Variants in ARHGAP22 observed in about 807,000 individuals in gnomAD.
The protein encoded by ARHGAP22 is Rho GTPase activating protein 22.
In ARHGAP22, 48 loss-of-function variants were observed where a neutral mutation model predicts 59.1. That is an observed-to-expected ratio of 0.81 (90% CI 0.64 to 1.03). The LOEUF (loss-of-function observed/expected upper bound fraction) is 1.03, where lower values mean the gene tolerates loss of function less well. Ranked by LOEUF, ARHGAP22 falls within the 50% of genes least tolerant of loss-of-function variation. The pLI is 0.00. For missense variants in ARHGAP22, 1,015 were observed against 958.7 expected (o/e 1.06, Z -0.78); for synonymous variants, 445 against 416.4 (o/e 1.07, Z -0.84).
intron 2 of ARHGAP22, among the ~76,000 whole-genome samples, chr10:48,568,658 T>C (rs1325390861): frequency 6.6e-6 from 1 of 152,236 alleles, no homozygotes; most frequent in Non-Finnish European, 1.5e-5. Flanking sequence ...TGCTGCACCA[T>C]TGTGATGCTC....
chr10:48,495,967 G>C (rs1474422405), intron 3 of ARHGAP22, among the ~76,000 whole-genome samples: 1 of 152,104 alleles, frequency 6.6e-6, no homozygotes, highest in Non-Finnish European at 1.5e-5. Flanking sequence ...AAATAGCCGT[G>C]TGATTCAGCT....
At chr10:48,485,168 C>T (rs2049727347) in intron 3 of ARHGAP22, among the ~76,000 whole-genome samples, 1 of 152,184 alleles carries the variant, frequency 6.6e-6, no homozygotes, top group Non-Finnish European at 1.5e-5. Context: ...TTGATTTCCA[C>T]TCTGATCTTT....
intron 3 of ARHGAP22, among the ~76,000 whole-genome samples, chr10:48,515,091 T>C (rs2053161879): frequency 6.6e-6 from 1 of 152,136 alleles, no homozygotes; most frequent in African/African-American, 2.4e-5. Flanking sequence ...ATCTGTATTA[T>C]CAGTAATTAC....
chr10:48,449,524 G>T (rs1309731464), intron 9 of ARHGAP22, among the ~76,000 whole-genome samples: 3 of 152,208 alleles, frequency 2.0e-5, no homozygotes, highest in African/African-American at 7.2e-5. Context: ...ATGGATAAAG[G>T]AATTCCCTGC....
intron 4 of ARHGAP22, among the ~76,000 whole-genome samples, chr10:48,472,710 G>C (rs11101337): frequency 0.97 from 146,963 of 152,198 alleles, 71,105 homozygotes; most frequent in East Asian, 1. Context: ...AAGCTATGGC[G>C]TCAGTCTAGC....
rs145879634 is a variant in ARHGAP22, at chr10:48,596,328, C to T, written c.34+8435G>A. Among the ~76,000 whole-genome samples the T allele has an allele frequency of 2.9e-3, 436 of 152,356 alleles. 1 individual carries two copies. The highest frequency in any genetic ancestry group is 6.8e-3 in the Middle Eastern group (2 of 294). On this transcript the variant is annotated intron_variant, in intron 1 of 9. Transcript: ENST00000249601. ...TGGAGACGCAAGACACACACCTGCC[C>T]TGGCAGAGCTAACGGGGGACAGATG... is the stretch of plus-strand genomic sequence containing the variant.
chr10:48,517,173 G>A (rs2053366838), intron 3 of ARHGAP22, among the ~76,000 whole-genome samples: 1 of 152,118 alleles, frequency 6.6e-6, no homozygotes, highest in African/African-American at 2.4e-5. Context: ...GGTGATAGTT[G>A]CATAACTCTG....
At chr10:48,566,628 G>A (rs1351888160) in intron 2 of ARHGAP22, among the ~76,000 whole-genome samples, 2 of 152,188 alleles carry the variant, frequency 1.3e-5, no homozygotes, top group African/African-American at 4.8e-5. Flanking sequence ...AACTCCAAAT[G>A]CTCTTGTTAT....
At chr10:48,460,381 C>G (rs1322600542) in intron 4 of ARHGAP22, among the ~76,000 whole-genome samples, 2 of 152,202 alleles carry the variant, frequency 1.3e-5, no homozygotes, top group African/African-American at 2.4e-5. Context: ...ATAGTCGTGA[C>G]TCAGCATCAA....
At chr10:48,460,255 G>A (rs1344294372) in intron 4 of ARHGAP22, among the ~76,000 whole-genome samples, 2 of 152,182 alleles carry the variant, frequency 1.3e-5, no homozygotes, top group Non-Finnish European at 2.9e-5. Context: ...GCCATCCAGT[G>A]CCCATCAACA....
upstream of ARHGAP22, among the ~76,000 whole-genome samples, chr10:48,607,634 A>G (rs2060727328): frequency 6.6e-6 from 1 of 152,144 alleles, no homozygotes; most frequent in Admixed American, 6.5e-5. Flanking sequence ...TTTTATTTGA[A>G]GAACCAGCCC....
chr10:48,557,964 A>G (rs535203691), intron 2 of ARHGAP22, among the ~76,000 whole-genome samples: 22 of 152,362 alleles, frequency 1.4e-4, no homozygotes, highest in Non-Finnish European at 2.6e-4. Context: ...CACTCAGGGT[A>G]GGTCTCAACT....
chr10:48,506,831 T>C (rs1265149656), intron 3 of ARHGAP22, among the ~76,000 whole-genome samples: 1 of 152,148 alleles, frequency 6.6e-6, no homozygotes, highest in East Asian at 1.9e-4. Flanking sequence ...GTAGACAACC[T>C]TCAGGAAGGT....
chr10:48,431,730 T>TTTC, the ARHGAP22 span, among the ~76,000 whole-genome samples: 6 of 152,206 alleles, frequency 3.9e-5, no homozygotes, highest in African/African-American at 1.2e-4. Context: ...GAAAGTATTC[T>TTTC]TTCTCTAAGA....
the ARHGAP22 span, chr10:48,430,737 C>G: frequency 6.3e-6 from 1 of 158,292 alleles, no homozygotes; most frequent in East Asian, 1.9e-4. Flanking sequence ...TTTGCACACT[C>G]TAATTTAAAT....
At chr10:48,524,503 C>G (rs1356444388) in intron 3 of ARHGAP22, among the ~76,000 whole-genome samples, 1 of 152,076 alleles carries the variant, frequency 6.6e-6, no homozygotes, top group Non-Finnish European at 1.5e-5. Context: ...CTCCGCCTCC[C>G]TGGGAGCCAA....
chr10:48,449,723 G>A (rs958059385), intron 9 of ARHGAP22, among the ~76,000 whole-genome samples: 1 of 152,238 alleles, frequency 6.6e-6, no homozygotes, highest in African/African-American at 2.4e-5. Context: ...CTCTGTTAGT[G>A]AGATTGTAAG....
chr10:48,614,871 C>T (rs1260577679), intron 1 of ARHGAP22, among the ~76,000 whole-genome samples: 1 of 152,192 alleles, frequency 6.6e-6, no homozygotes, highest in Non-Finnish European at 1.5e-5. Flanking sequence ...TTGGTAGTTA[C>T]CCAAAAGCTG....
chr10:48,454,770 T>C (rs1216982893), intron 6 of ARHGAP22, among the ~76,000 whole-genome samples: 1 of 150,896 alleles, frequency 6.6e-6, no homozygotes, highest in Non-Finnish European at 1.5e-5. Context: ...CGCAGACAGG[T>C]ATGGCTCCAG....
Sources: gnomAD v4.1 joint callset for allele counts (sites outside exome capture counted in the v4.1 genomes callset) on GRCh38, gnomAD v4.1.1 for gene constraint, MANE v1.5 for transcripts, NCBI Gene and HGNC (gene_info 2026-07-23, HGNC 2026-07-21) for gene names.